The following FOXP1 variants were observed in gnomAD, a reference collection of about 807,000 sequenced individuals.
The protein encoded by FOXP1 is forkhead box P1.
A neutral mutation model predicts 98.2 loss-of-function variants in FOXP1; 15 were observed. That is an observed-to-expected ratio of 0.15 (90% CI 0.10 to 0.24). FOXP1 has a LOEUF of 0.24. FOXP1 is among the 10% of genes least tolerant of loss of function. The pLI, the probability that FOXP1 is intolerant of heterozygous loss-of-function variation, is 1.00. For missense variants in FOXP1, 633 were observed against 848.5 expected (o/e 0.75, Z 3.15); for synonymous variants, 371 against 314.5 (o/e 1.18, Z -1.90).
chr3:71,237,794 T>C (rs1413282464), intron 5 of FOXP1, among the ~76,000 whole-genome samples: 1 of 152,196 alleles, frequency 6.6e-6, no homozygotes, highest in Non-Finnish European at 1.5e-5. Flanking sequence ...CTGATATTCA[T>C]TCTGTCACCT....
At chr3:71,308,164 C>T (rs951696068) in intron 4 of FOXP1, among the ~76,000 whole-genome samples, 3 of 151,332 alleles carry the variant, frequency 2.0e-5, no homozygotes, top group Admixed American at 6.6e-5. Flanking sequence ...GATGGGGGGG[C>T]GTAGTTGCAG....
chr3:71,468,674 A>G, intron 3 of FOXP1, among the ~76,000 whole-genome samples: 1 of 152,104 alleles, frequency 6.6e-6, no homozygotes, highest in East Asian at 1.9e-4. Flanking sequence ...GATCACCTCT[A>G]CAGCCTTTCC....
At chr3:71,202,238 C>A (rs1186698812) in intron 5 of FOXP1, among the ~76,000 whole-genome samples, 1 of 152,080 alleles carries the variant, frequency 6.6e-6, no homozygotes, top group Non-Finnish European at 1.5e-5. Context: ...GCTTTGGGAC[C>A]AAAATTGCAG....
At chr3:71,138,259 T>C (rs915247133) in intron 6 of FOXP1, among the ~76,000 whole-genome samples, 4 of 152,178 alleles carry the variant, frequency 2.6e-5, no homozygotes, top group African/African-American at 9.7e-5. Flanking sequence ...AGGAACGTAA[T>C]GGGATCGGGA....
chr3:71,580,403 G>GAA (rs11385181), intron 2 of FOXP1, among the ~76,000 whole-genome samples: 7 of 151,498 alleles, frequency 4.6e-5, no homozygotes, highest in African/African-American at 9.7e-5. Context: ...ACAGAGGGGG[G>GAA]AAAAAAACAG....
intron 7 of FOXP1, among the ~76,000 whole-genome samples, chr3:71,064,170 C>T (rs1042323574): frequency 4.6e-5 from 7 of 152,204 alleles, no homozygotes; most frequent in African/African-American, 1.4e-4. Flanking sequence ...CTCGCCTGCT[C>T]CGGTGTGGGG....
At chr3:71,191,743 T>C (rs2062990712) in intron 6 of FOXP1, among the ~76,000 whole-genome samples, 2 of 152,192 alleles carry the variant, frequency 1.3e-5, no homozygotes, top group African/African-American at 4.8e-5. Flanking sequence ...CCAAAGGGAA[T>C]TAAGAACATG....
At chr3:71,517,498 T>C (rs1489752953) in intron 2 of FOXP1, among the ~76,000 whole-genome samples, 4 of 152,202 alleles carry the variant, frequency 2.6e-5, no homozygotes, top group Non-Finnish European at 5.9e-5. Context: ...ATAATAATTG[T>C]CAGTGGAATG....
intron 2 of FOXP1, chr3:71,573,830 G>C (rs1215587207): frequency 6.6e-6 from 1 of 151,726 alleles, no homozygotes; most frequent in Non-Finnish European, 1.5e-5. Flanking sequence ...CTTTCTATTA[G>C]AAAATATCTA....
At chr3:71,363,326 T>G (rs1191070807) in intron 3 of FOXP1, among the ~76,000 whole-genome samples, 2 of 152,204 alleles carry the variant, frequency 1.3e-5, no homozygotes, top group Non-Finnish European at 2.9e-5. Flanking sequence ...AACTTCTTAT[T>G]TTATAAAATA....
intron 3 of FOXP1, among the ~76,000 whole-genome samples, chr3:71,442,152 TG>T (rs2085997347): frequency 6.6e-6 from 1 of 152,184 alleles, no homozygotes; most frequent in Non-Finnish European, 1.5e-5. Context: ...CCCACTTTTG[TG>T]GAGCTTGACC....
intron 5 of FOXP1, among the ~76,000 whole-genome samples, chr3:71,272,578 C>G (rs2070474120): frequency 6.7e-6 from 1 of 150,022 alleles, no homozygotes; most frequent in Non-Finnish European, 1.5e-5. Flanking sequence ...ATCCCCTGGT[C>G]TTCTCACACA....
At chr3:71,348,550 C>A in intron 4 of FOXP1, among the ~76,000 whole-genome samples, 1 of 102,430 alleles carries the variant, frequency 9.8e-6, no homozygotes, top group African/African-American at 4.3e-5. Context: ...TGTGTGTGTG[C>A]GTGCGCGCGC....
intron 13 of FOXP1, among the ~76,000 whole-genome samples, chr3:70,990,029 C>T (rs1324775750): frequency 6.6e-6 from 1 of 152,170 alleles, no homozygotes; most frequent in African/African-American, 2.4e-5. Context: ...GAAGTAACTG[C>T]CATCGGAAAC....
intron 6 of FOXP1, chr3:71,130,569 T>C (rs1202172556): frequency 6.3e-7 from 1 of 1,598,434 alleles, no homozygotes; most frequent in Admixed American, 1.7e-5. Context: ...TTGCTGTAGA[T>C]GGGTTCTGGC....
chr3:71,186,503 G>C (rs552150366), intron 6 of FOXP1, among the ~76,000 whole-genome samples: 8 of 152,220 alleles, frequency 5.3e-5, no homozygotes, highest in Non-Finnish European at 8.8e-5. Flanking sequence ...ACGAGGTCAA[G>C]AGATCGAGAC....
intron 4 of FOXP1, among the ~76,000 whole-genome samples, chr3:71,330,555 C>A (rs570436687): frequency 6.6e-6 from 1 of 152,248 alleles, no homozygotes; most frequent in East Asian, 1.9e-4. Context: ...ATCCACAAAA[C>A]CTACAGAAGG....
chr3:71,148,091 T>A (rs546290712), intron 6 of FOXP1, among the ~76,000 whole-genome samples: 1 of 152,156 alleles, frequency 6.6e-6, no homozygotes, highest in Non-Finnish European at 1.5e-5. Flanking sequence ...AAAATACAAA[T>A]GTCGGCCAGG....
intron 3 of FOXP1, among the ~76,000 whole-genome samples, chr3:71,369,662 G>A (rs2079161376): frequency 1.3e-5 from 2 of 152,176 alleles, no homozygotes; most frequent in African/African-American, 2.4e-5. Flanking sequence ...CAAAGTGCTA[G>A]GATTACAAGC....
Sources: gnomAD v4.1 joint callset for allele counts (sites outside exome capture counted in the v4.1 genomes callset) on GRCh38, gnomAD v4.1.1 for gene constraint, MANE v1.5 for transcripts, NCBI Gene and HGNC (gene_info 2026-07-23, HGNC 2026-07-21) for gene names.